The following DYM variants were observed in gnomAD, a reference collection of about 807,000 sequenced individuals.
DYM encodes dyggve-Melchior-Clausen syndrome protein.
In DYM, 78 loss-of-function variants were observed where a neutral mutation model predicts 93.1. That is an observed-to-expected ratio of 0.84 (90% confidence interval 0.70 to 1.01). The LOEUF is 1.01. Ranked by LOEUF, DYM falls within the 50% of genes least tolerant of loss-of-function variation. The pLI, the probability that DYM is intolerant of heterozygous loss-of-function variation, is 0.00. For synonymous variants in DYM, 321 were observed against 319.7 expected (o/e 1.00, Z -0.04); for missense variants, 789 against 845.0 (o/e 0.93, Z 0.82).
chr18:49,426,092 C>T (rs1334908651), intron 2 of DYM, among the ~76,000 whole-genome samples: 1 of 152,126 alleles, frequency 6.6e-6, no homozygotes, highest in Non-Finnish European at 1.5e-5. Context: ...AAGACACATG[C>T]ACACATATGT....
At chr18:49,250,708 G>A (rs1386179456) in intron 13 of DYM, among the ~76,000 whole-genome samples, 3 of 152,210 alleles carry the variant, frequency 2.0e-5, no homozygotes, top group African/African-American at 7.2e-5. Flanking sequence ...GGGGTGGGAA[G>A]CTGGTTGAAA....
At chr18:49,090,873 G>T (rs147366248) in intron 17 of DYM, among the ~76,000 whole-genome samples, 213 of 152,208 alleles carry the variant, frequency 1.4e-3, no homozygotes, top group Non-Finnish European at 2.4e-3. Context: ...ATTTACATAG[G>T]AATTAGCTTA....
intron 8 of DYM, among the ~76,000 whole-genome samples, chr18:49,304,214 C>T (rs942851315): frequency 1.9e-4 from 29 of 152,218 alleles, no homozygotes; most frequent in African/African-American, 7.0e-4. Context: ...CATCCTTCCC[C>T]TGCCAGGATA....
intron 11 of DYM, among the ~76,000 whole-genome samples, chr18:49,270,728 T>C (rs1396183164): frequency 6.6e-6 from 1 of 152,196 alleles, no homozygotes; most frequent in Non-Finnish European, 1.5e-5. Flanking sequence ...GTATGTTTTA[T>C]ACTCCTTCCA....
At chr18:49,050,729 A>G (rs2072325479) in intron 17 of DYM, among the ~76,000 whole-genome samples, 2 of 151,986 alleles carry the variant, frequency 1.3e-5, no homozygotes, top group Admixed American at 1.3e-4. Context: ...CCTATAAAAA[A>G]CAAAAGTGGC....
chr18:49,183,557 C>T (rs1171010440), intron 14 of DYM, among the ~76,000 whole-genome samples: 1 of 152,122 alleles, frequency 6.6e-6, no homozygotes, highest in Non-Finnish European at 1.5e-5. Context: ...AAAATATTTA[C>T]CACATTTTCA....
intron 8 of DYM, among the ~76,000 whole-genome samples, chr18:49,312,933 C>A (rs560250783): frequency 1.3e-5 from 2 of 152,240 alleles, no homozygotes; most frequent in East Asian, 3.9e-4. Context: ...ATCACATGTG[C>A]CACAAAGTTA....
chr18:49,397,046 A>G (rs550088485), intron 2 of DYM, among the ~76,000 whole-genome samples: 151 of 152,350 alleles, frequency 9.9e-4, no homozygotes, highest in African/African-American at 3.3e-3. Context: ...CAAAATGGCT[A>G]AAATAATTTT....
chr18:49,068,021 T>A (rs765086503), intron 17 of DYM, among the ~76,000 whole-genome samples: 4 of 152,136 alleles, frequency 2.6e-5, no homozygotes. Flanking sequence ...AAATACATCA[T>A]AAACATCAAG....
At chr18:49,111,360 C>T (rs1181433485) in intron 16 of DYM, among the ~76,000 whole-genome samples, 3 of 152,168 alleles carry the variant, frequency 2.0e-5, no homozygotes, top group Admixed American at 6.5e-5. Flanking sequence ...CTGACAGTTC[C>T]AACATCTGAG....
chr18:49,090,850 TTTAG>T (rs1383196412), intron 17 of DYM, among the ~76,000 whole-genome samples: 6 of 151,968 alleles, frequency 3.9e-5, no homozygotes, highest in African/African-American at 1.5e-4. Flanking sequence ...CTATTGAAAA[TTTAG>T]TTAGGCCAAT....
intron 1 of DYM, among the ~76,000 whole-genome samples, chr18:49,454,987 G>A (rs1195037166): frequency 6.7e-6 from 1 of 149,764 alleles, no homozygotes; most frequent in Admixed American, 6.7e-5. Flanking sequence ...CTCTCTCAAG[G>A]AGCTGCTCTC....
chr18:49,329,097 T>C (rs1599464177), intron 8 of DYM, among the ~76,000 whole-genome samples: 1 of 152,174 alleles, frequency 6.6e-6, no homozygotes, highest in Admixed American at 6.5e-5. Context: ...TGGAATACTC[T>C]GCAGCCATAA....
At chr18:49,101,578 C>G (rs2080146125) in intron 16 of DYM, among the ~76,000 whole-genome samples, 1 of 152,098 alleles carries the variant, frequency 6.6e-6, no homozygotes, top group African/African-American at 2.4e-5. Flanking sequence ...GTATGTGCTC[C>G]TCAGGCAAAA....
intron 14 of DYM, among the ~76,000 whole-genome samples, chr18:49,171,876 T>C (rs2088788217): frequency 6.6e-6 from 1 of 152,204 alleles, no homozygotes; most frequent in African/African-American, 2.4e-5. Context: ...ATAATCTTTA[T>C]ATAATAAAAC....
chr18:49,386,079 T>G (rs1220281558), intron 3 of DYM, among the ~76,000 whole-genome samples: 5 of 152,060 alleles, frequency 3.3e-5, no homozygotes, highest in Admixed American at 2.6e-4. Flanking sequence ...CCCAAAGAGC[T>G]GGAATTACAG....
intron 13 of DYM, among the ~76,000 whole-genome samples, chr18:49,213,282 G>C (rs2092873675): frequency 6.6e-6 from 1 of 151,634 alleles, no homozygotes; most frequent in African/African-American, 2.4e-5. Context: ...CATTTCCATA[G>C]GAACTTTTTC....
At chr18:49,312,060 G>C (rs1333343719) in intron 8 of DYM, among the ~76,000 whole-genome samples, 2 of 152,074 alleles carry the variant, frequency 1.3e-5, no homozygotes, top group Admixed American at 1.3e-4. Context: ...GAAAGCTACA[G>C]ACACTGGTAT....
chr18:49,046,964 G>A (rs896672128), intron 17 of DYM, among the ~76,000 whole-genome samples: 1 of 152,198 alleles, frequency 6.6e-6, no homozygotes, highest in African/African-American at 2.4e-5. Flanking sequence ...ACATCTAAGT[G>A]CTGGATCTTC....
Sources: gnomAD v4.1 joint callset for allele counts (sites outside exome capture counted in the v4.1 genomes callset) on GRCh38, gnomAD v4.1.1 for gene constraint, MANE v1.5 for transcripts, NCBI Gene and HGNC (gene_info 2026-07-23, HGNC 2026-07-21) for gene names.